The following GLRX5 variants were observed in gnomAD, a reference collection of about 807,000 sequenced individuals.
GLRX5 encodes glutaredoxin 5.
Under a neutral mutation model 13.8 loss-of-function variants are expected in GLRX5, and 10 were observed. The observed-to-expected ratio is 0.72, with a 90% CI of 0.45 to 1.23. The LOEUF (loss-of-function observed/expected upper bound fraction) is 1.23, where lower values mean the gene tolerates loss of function less well. Among genes scored for constraint, GLRX5 ranks in the 50% most tolerant of loss-of-function variants. The pLI, the probability that GLRX5 is intolerant of heterozygous loss-of-function variation, is 0.00. For missense variants in GLRX5, 233 were observed against 215.2 expected (o/e 1.08, Z -0.52); for synonymous variants, 98 against 101.1 (o/e 0.97, Z 0.18).
At position 95,535,323 on chromosome 14, in the gene GLRX5, G is replaced by A; in HGVS notation, c.234G>A (p.Arg78=). 1 of 1,555,410 alleles carries A rather than the reference G, an allele frequency of 6.4e-7. No individual in the cohort carries two copies. The stretch of plus-strand genomic sequence containing the variant: ...GCAACGCCGTGGTGCAGATCCTGCG[G>A]CTGCACGGCGTCCGCGATTACGCGG... ...GFSNAVVQIL[R]LHGVRDYAAY... Residue 78 remains arginine, a synonymous_variant, in exon 1 of 2, where the codon CGG becomes CGA. Transcript: ENST00000331334.
intron 1 of GLRX5, among the ~76,000 whole-genome samples, chr14:95,542,529 A>T (rs7157963): frequency 0.69 from 104,698 of 152,072 alleles, 37,176 homozygotes; most frequent in Non-Finnish European, 0.78. Flanking sequence ...AAAAATAAAT[A>T]GTATATTGGG....
intron 1 of GLRX5, 36 bp downstream of exon 1, chr14:95,535,420 C>T (rs977658650): frequency 3.3e-6 from 5 of 1,532,330 alleles, no homozygotes; most frequent in Non-Finnish European, 4.4e-6. Flanking sequence ...CCCTCCGCCC[C>T]GGGCCCAGGA....
In GLRX5 at chr14:95,544,226, A is replaced by G. The variant is rs963586701; in HGVS notation, c.*101A>G. ...TTTGGTTTTCACTATTGAGACCGCA[A>G]CTGCTTGCACTGATCATTTTGGTTC... On this transcript the variant is annotated 3_prime_UTR_variant, in exon 2 of 2. Transcript: ENST00000331334. The G allele has an allele frequency of 7.1e-6, 6 of 849,388 alleles. No homozygotes were observed. The highest frequency in any genetic ancestry group is 2.0e-5 in the Admixed American group (1 of 49,480). The allele number at this position is 849,388 out of a possible 1,614,324, so 52.6% of individuals were successfully genotyped here. A position where few individuals can be genotyped will look rare whatever the true frequency, so the allele number is the denominator to read the frequency against.
chr14:95,536,835 G>A (rs997017096), intron 1 of GLRX5, among the ~76,000 whole-genome samples: 3 of 152,178 alleles, frequency 2.0e-5, no homozygotes, highest in African/African-American at 7.2e-5. Context: ...GGTGGTGGGT[G>A]GGACCTAGAA....
rs1209124496 is a variant in GLRX5, at chr14:95,535,144, G to A, written c.55G>A (p.Ala19Thr). 3 of 1,243,144 alleles carry A rather than the reference G, an allele frequency of 2.4e-6. No homozygotes were observed. The highest frequency in any genetic ancestry group is 3.2e-5 in the African/African-American group (2 of 62,984). The allele number at this position is 1,243,144 out of a possible 1,614,324, so 77.0% of individuals were successfully genotyped here. A position where few individuals can be genotyped will look rare whatever the true frequency, so the allele number is the denominator to read the frequency against. The change falls in exon 1 of 2, where the codon GCG becomes ACG. Residue 19 changes from alanine (A) to threonine (T), a missense_variant. Ala to Thr is a moderately conservative substitution (Grantham distance 58). Transcript: ENST00000331334. ...AAALLRWGRGAGGGGLWGPGV... is the reference protein window; with the variant it reads ...AAALLRWGRGTGGGGLWGPGV... ...GGCTCTGCTCCGCTGGGGGCGCGGC[G>A]CGGGCGGCGGTGGCCTTTGGGGTCC...
In GLRX5 at chr14:95,544,005, T is replaced by C; in HGVS notation, c.354T>C (p.Phe118=). 6.2e-7 allele frequency: 1 copy of C among 1,614,094 alleles called. No homozygotes were observed. Among genetic ancestry groups the C allele is most frequent in the Non-Finnish European group, 8.5e-7 (1 of 1,179,952 alleles). Residue 118 remains phenylalanine, a synonymous_variant, in exon 2 of 2, where the codon TTT becomes TTC. Transcript: ENST00000331334. ...TIPQVYLNGE[F]VGGCDILLQM... ...CGCAAGTGTACCTCAATGGCGAGTT[T>C]GTAGGGGGCTGTGACATTCTTCTGC...
chr14:95,537,198 G>A (rs1314435367), intron 1 of GLRX5, among the ~76,000 whole-genome samples: 1 of 152,186 alleles, frequency 6.6e-6, no homozygotes, highest in African/African-American at 2.4e-5. Context: ...TAATATAACT[G>A]GAAATGAGAT....
chr14:95,535,057 C>T lies in GLRX5; in HGVS notation c.-33C>T, dbSNP rs914710737. On this transcript the variant is annotated 5_prime_UTR_variant, in exon 1 of 2. Transcript: ENST00000331334. Reference sequence around the variant, plus strand: ...CGCTCTGGGTGGCCAGCTGTGGGCCCGGGCCGTCGTGGGCTCCGGCTTGCG... The same window carrying T: ...CGCTCTGGGTGGCCAGCTGTGGGCCTGGGCCGTCGTGGGCTCCGGCTTGCG... 28 of 1,323,212 alleles carry T rather than the reference C, an allele frequency of 2.1e-5. No homozygotes were observed. In the East Asian group the frequency reaches 7.2e-4, roughly 34 times the overall value. The allele number at this position is 1,323,212 out of a possible 1,614,324, so 82.0% of individuals were successfully genotyped here. A position where few individuals can be genotyped will look rare whatever the true frequency, so the allele number is the denominator to read the frequency against.
Position 95,544,093 on chromosome 14 carries a change from T to G in GLRX5, c.442T>G (p.Leu148Val). 6.2e-7 allele frequency: 1 copy of G among 1,614,110 alleles called. No individual in the cohort carries two copies. Among genetic ancestry groups the G allele is most frequent in the Non-Finnish European group, 8.5e-7 (1 of 1,180,014 alleles). Reference protein sequence around the residue: ...LKKLGIHSALLDEKKDQDSK With the variant: ...LKKLGIHSALVDEKKDQDSK The stretch of plus-strand genomic sequence containing the variant: ...AAAGCTGGGGATCCACTCCGCCCTT[T>G]TAGATGAAAAGAAAGACCAAGACTC... Residue 148 changes from leucine to valine, a missense_variant, in exon 2 of 2, where the codon TTA (leucine) becomes GTA (valine). By Grantham distance (32) the Leu-to-Val change is conservative. Coordinates refer to ENST00000331334, the MANE Select transcript of GLRX5 (RefSeq NM_016417.3).
In GLRX5 at chr14:95,543,947, G is replaced by A. The variant is rs1891515102; in HGVS notation, c.296G>A (p.Gly99Asp). The change falls in exon 2 of 2, where the codon GGC (glycine) becomes GAC (aspartate). Residue 99 changes from glycine (G) to aspartate (D), a missense_variant and splice_region_variant. Physicochemically the swap from Gly to Asp is moderately conservative, Grantham distance 94 (BLOSUM62 -1). Coordinates refer to ENST00000331334, the MANE Select transcript of GLRX5 (RefSeq NM_016417.3). ...ACAAATAAATGTTCTTTCTCCATAG[G>A]CATTAAAGACTATTCCAACTGGCCC... Reference protein sequence around the residue: ...NVLDDPELRQGIKDYSNWPTI... With the variant: ...NVLDDPELRQDIKDYSNWPTI... 1 of 1,610,014 alleles carries A rather than the reference G, an allele frequency of 6.2e-7. No individual in the cohort carries two copies. Among genetic ancestry groups the A allele is most frequent in the Non-Finnish European group, 8.5e-7 (1 of 1,176,278 alleles).
In GLRX5 at chr14:95,544,318, A is replaced by G; in HGVS notation, c.*193A>G. The G allele has an allele frequency of 1.6e-6, 1 of 626,520 alleles. No individual in the cohort carries two copies. The highest frequency in any genetic ancestry group is 1.8e-5 in the South Asian group (1 of 54,854). 38.8% of individuals were successfully genotyped at this position (626,520 alleles called of 1,614,324 possible). ...AGAATATTTTATTGTGGACTTAATT[A>G]CAACCACTGCACTGTAATGATTCAA... On this transcript the variant is annotated 3_prime_UTR_variant, in exon 2 of 2. Coordinates refer to ENST00000331334, the MANE Select transcript of GLRX5 (RefSeq NM_016417.3).
chr14:95,544,015 T>C lies in GLRX5; in HGVS notation c.364T>C (p.Cys122Arg), dbSNP rs1168642098. 6.2e-7 allele frequency: 1 copy of C among 1,614,024 alleles called. No homozygotes were observed. The highest frequency in any genetic ancestry group is 8.5e-7 in the Non-Finnish European group (1 of 1,179,864). Residue 122 changes from cysteine to arginine, a missense_variant, in exon 2 of 2, where the codon TGT becomes CGT. Cys to Arg is a radical substitution (Grantham distance 180). Coordinates refer to ENST00000331334, the MANE Select transcript of GLRX5 (RefSeq NM_016417.3). ...CCTCAATGGCGAGTTTGTAGGGGGC[T>C]GTGACATTCTTCTGCAGATGCACCA... ...VYLNGEFVGG[C>R]DILLQMHQNG...
At position 95,544,306 on chromosome 14, in the gene GLRX5, G is replaced by A. The variant is rs1356402097; in HGVS notation, c.*181G>A. 2 of 638,234 alleles carry A rather than the reference G, an allele frequency of 3.1e-6. No individual in the cohort carries two copies. The highest frequency in any genetic ancestry group is 3.6e-5 in the African/African-American group (2 of 54,980). 39.5% of individuals were successfully genotyped at this position (638,234 alleles called of 1,614,324 possible). Reference sequence around the variant, plus strand: ...GTGTTCGGGCTAAGAATATTTTATTGTGGACTTAATTACAACCACTGCACT... The same window carrying A: ...GTGTTCGGGCTAAGAATATTTTATTATGGACTTAATTACAACCACTGCACT... On this transcript the variant is annotated 3_prime_UTR_variant, in exon 2 of 2. Coordinates refer to ENST00000331334, the MANE Select transcript of GLRX5 (RefSeq NM_016417.3).
chr14:95,535,754 A>G (rs542472277), intron 1 of GLRX5, among the ~76,000 whole-genome samples: 1 of 152,058 alleles, frequency 6.6e-6, no homozygotes, highest in Non-Finnish European at 1.5e-5. Context: ...TAGGAAACTC[A>G]TAGTAAGGAC....
chr14:95,543,213 C>T (rs780962567), intron 1 of GLRX5: 19 of 455,820 alleles, frequency 4.2e-5, no homozygotes, highest in Admixed American at 1.6e-4. Flanking sequence ...CCAGTCACTT[C>T]GGGTTCTGCA....
chr14:95,543,448 G>A (rs138795142), intron 1 of GLRX5: 67 of 317,240 alleles, frequency 2.1e-4, no homozygotes, highest in Non-Finnish European at 5.0e-5. Context: ...GGGATTGCCC[G>A]AGTTGGCCAT....
chr14:95,541,632 A>AT, intron 1 of GLRX5, among the ~76,000 whole-genome samples: 1 of 152,146 alleles, frequency 6.6e-6, no homozygotes. Context: ...TGTTTTGATA[A>AT]TTTTGGTGGT....
At chr14:95,543,360 A>C in intron 1 of GLRX5, 1 of 333,458 alleles carries the variant, frequency 3.0e-6, no homozygotes, top group Non-Finnish European at 5.9e-6. Flanking sequence ...AAAAAACTCA[A>C]CAACTCATCA....
chr14:95,537,415 C>T (rs1172007843), intron 1 of GLRX5, among the ~76,000 whole-genome samples: 2 of 152,112 alleles, frequency 1.3e-5, no homozygotes, highest in African/African-American at 4.8e-5. Flanking sequence ...TTAATAAACG[C>T]GTTGCATATA....
Sources: allele counts gnomAD v4.1 joint callset (sites outside exome capture counted in the v4.1 genomes callset), GRCh38; gene constraint gnomAD v4.1.1; transcripts MANE v1.5; gene names NCBI Gene and HGNC (gene_info 2026-07-23, HGNC 2026-07-21).